The following COL4A4 variants were observed in gnomAD, a reference collection of about 807,000 sequenced individuals.
The protein encoded by COL4A4 is collagen type IV alpha 4 chain.
Under a neutral mutation model 192.9 loss-of-function variants are expected in COL4A4, and 105 were observed. The ratio of observed to expected loss-of-function variants is 0.54; its 90% CI spans 0.46 to 0.64. The LOEUF is 0.64. COL4A4 is among the 30% of genes least tolerant of loss of function. COL4A4 has a pLI of 0.00. For missense variants in COL4A4, 1,967 were observed against 2,169.3 expected (o/e 0.91, Z 1.85); for synonymous variants, 762 against 769.9 (o/e 0.99, Z 0.17).
chr2:227,104,155 G>C, intron 12 of COL4A4, 103 bp from the exon 13 acceptor site: 1 of 940,460 alleles, frequency 1.1e-6, no homozygotes, highest in South Asian at 1.3e-5. Context: ...ATGTGTCATG[G>C]ATTTAAAATA....
chr2:227,041,838 A>AGAG (rs1971240102), intron 37 of COL4A4, among the ~76,000 whole-genome samples: 1 of 41,620 alleles, frequency 2.4e-5, no homozygotes, highest in African/African-American at 1.2e-4. Flanking sequence ...GAAAGAAAGA[A>AGAG]AGAAAGAAAG....
chr2:227,031,043 A>ATGGATGGATGGC (rs1968263815), intron 40 of COL4A4, among the ~76,000 whole-genome samples: 1 of 151,256 alleles, frequency 6.6e-6, no homozygotes, highest in Admixed American at 6.6e-5. Context: ...GGATGGACAG[A>ATGGATGGATGGC]TGGATGGATG....
chr2:227,007,749 G>A (rs774113605), intron 47 of COL4A4, among the ~76,000 whole-genome samples, 161 bp from the exon 48 acceptor site: 1 of 152,202 alleles, frequency 6.6e-6, no homozygotes, highest in African/African-American at 2.4e-5. Context: ...ACTCAGCATG[G>A]TAAGTATGCA....
At chr2:227,026,551 T>C (rs1966874770) in intron 42 of COL4A4, among the ~76,000 whole-genome samples, 1 of 152,116 alleles carries the variant, frequency 6.6e-6, no homozygotes, top group Non-Finnish European at 1.5e-5. Flanking sequence ...TCCTGTCCTA[T>C]GATACATCAT....
chr2:227,017,160 C>T (rs563757492), intron 44 of COL4A4, among the ~76,000 whole-genome samples: 1 of 152,306 alleles, frequency 6.6e-6, no homozygotes, highest in South Asian at 2.1e-4. Context: ...GAACAGGCAG[C>T]AGCAGGGATT....
At chr2:227,043,275 C>T in intron 35 of COL4A4, 91 bp from the exon 36 acceptor site, 2 of 1,088,422 alleles carry the variant, frequency 1.8e-6, no homozygotes, top group Non-Finnish European at 2.8e-6. Context: ...TCTTTTCTAT[C>T]CTTACTTTTT....
chr2:227,050,848 T>G, intron 33 of COL4A4, 129 bp downstream of exon 33: 1 of 1,100,798 alleles, frequency 9.1e-7, no homozygotes, highest in Non-Finnish European at 1.4e-6. Flanking sequence ...CTCCTTGAGC[T>G]ACACCTTACA....
At chr2:226,973,434 T>C in the COL4A4 span, among the ~76,000 whole-genome samples, 8 of 152,220 alleles carry the variant, frequency 5.3e-5, no homozygotes, top group Admixed American at 2.6e-4. Context: ...TGCCTGTTCC[T>C]TTTTCCACTC....
In COL4A4 at chr2:227,080,447, G is replaced by T; in HGVS notation, c.1799C>A (p.Pro600His). ...GHAGEKGDPG[P>H]PGDHEDATPG... ...CAAGAGAAGAATTCTACATACTGGA[G>T]GTCCTGGATCCCCTTTTTCTCCAGC... is the stretch of plus-strand genomic sequence containing the variant. Residue 600 changes from proline to histidine, a missense_variant, in exon 24 of 48, where the codon CCT (proline) becomes CAT (histidine). Pro to His is a moderately conservative substitution (Grantham distance 77). Transcript: ENST00000396625. 1 of 1,613,252 alleles carries T rather than the reference G, an allele frequency of 6.2e-7. No homozygotes were observed. Among genetic ancestry groups the T allele is most frequent in the Non-Finnish European group, 8.5e-7 (1 of 1,179,238 alleles).
At chr2:227,094,724 A>G (rs2060120110) in intron 19 of COL4A4, among the ~76,000 whole-genome samples, 1 of 152,240 alleles carries the variant, frequency 6.6e-6, no homozygotes, top group Non-Finnish European at 1.5e-5. Context: ...CCCACAAATG[A>G]TAACTATGTA....
rs1190404174 is a variant in COL4A4 at position 227,060,754 on chromosome 2, G to T, written c.2057-511C>A. 4.2e-5 allele frequency among the ~76,000 whole-genome samples: 6 copies of T among 144,102 alleles called. 1 individual carries two copies. Among genetic ancestry groups the T allele is most frequent in the Admixed American group, 1.4e-4 (2 of 14,252 alleles). 94.5% of individuals were successfully genotyped at this position (144,102 alleles called of 152,430 possible). ...TTTTTTTTTTTTTTTTTGAGACAGA[G>T]TCTTGCTTTGTCACCAAGGCTGGAG... On this transcript the variant is annotated intron_variant, in intron 26 of 47. Coordinates refer to ENST00000396625, the MANE Select transcript of COL4A4 (RefSeq NM_000092.5).
chr2:227,047,731 C>CACACACACACACA (rs1973182118), intron 34 of COL4A4, among the ~76,000 whole-genome samples, 182 bp from the exon 35 acceptor site: 1 of 146,228 alleles, frequency 6.8e-6, no homozygotes, highest in Non-Finnish European at 1.5e-5. Flanking sequence ...AATTTACATA[C>CACACACACACACA]CACACACACA....
At chr2:226,981,578 A>ACG in the COL4A4 span, among the ~76,000 whole-genome samples, 2 of 151,614 alleles carry the variant, frequency 1.3e-5, no homozygotes, top group South Asian at 2.1e-4. Flanking sequence ...ATACACACAC[A>ACG]CACACACACT....
Position 227,088,746 on chromosome 2 carries a change from C to A in COL4A4, c.1530G>T (p.Arg510Ser), listed in dbSNP as rs1293880566. Residue 510 changes from arginine to serine, a missense_variant, in exon 22 of 48, where the codon AGG becomes AGT. Coordinates refer to ENST00000396625, the MANE Select transcript of COL4A4 (RefSeq NM_000092.5). ...GPPGPPGLPGRQGSKGDLGLP... is the reference protein window; with the variant it reads ...GPPGPPGLPGSQGSKGDLGLP... ...GCCCCAAGTCTCCCTTACTCCCCTG[C>A]CTCCCAGGAAGTCCTGGAGGGCCAG... The A allele has an allele frequency of 6.2e-7, 1 of 1,614,102 alleles. No homozygotes were observed. Among genetic ancestry groups the A allele is most frequent in the South Asian group, 1.1e-5 (1 of 91,082 alleles).
intron 4 of COL4A4, among the ~76,000 whole-genome samples, chr2:227,134,843 C>T (rs4566358): frequency 0.34 from 51,758 of 152,114 alleles, 9,495 homozygotes; most frequent in Non-Finnish European, 0.41. Flanking sequence ...GTAAAACCAC[C>T]ACATCATAAG....
rs1553671289 is a variant in COL4A4 at position 227,089,612 on chromosome 2, T to TAC, written c.1459+254_1459+255dup. Among the ~76,000 whole-genome samples the TAC allele has an allele frequency of 2.2e-3, 318 of 141,868 alleles. 14 individuals are homozygous for TAC. The highest frequency in any genetic ancestry group is 8.0e-3 in the African/African-American group (306 of 38,130). The allele number at this position is 141,868 out of a possible 152,430, so 93.1% of individuals were successfully genotyped here. On this transcript the variant is annotated intron_variant, in intron 21 of 47. Coordinates refer to ENST00000396625, the MANE Select transcript of COL4A4 (RefSeq NM_000092.5). Reference sequence around the variant, plus strand: ...CCATATATATATATATATATATACATACATATATATAAATATATAAGACAC... The same window carrying TAC: ...CCATATATATATATATATATATACATACACATATATATAAATATATAAGACAC...
rs181962010 is a variant in COL4A4, at chr2:227,098,058, C to T, written c.1204+636G>A. On this transcript the variant is annotated intron_variant, in intron 19 of 47. Coordinates refer to ENST00000396625, the MANE Select transcript of COL4A4 (RefSeq NM_000092.5). ...TATGCCAACAGGACTCTTTCCCAGGCTTTTTACCAAATGCCACTGTGGCCC... is the reference window on the plus strand; with the variant it reads ...TATGCCAACAGGACTCTTTCCCAGGTTTTTTACCAAATGCCACTGTGGCCC... Among the ~76,000 whole-genome samples, 476 of 152,288 alleles carry T rather than the reference C, an allele frequency of 3.1e-3. 2 individuals are homozygous for T. Among genetic ancestry groups the T allele is most frequent in the African/African-American group, 0.011 (460 of 41,554 alleles).
chr2:227,114,444 T>A, intron 8 of COL4A4, 184 bp downstream of exon 8: 1 of 696,274 alleles, frequency 1.4e-6, no homozygotes, highest in Middle Eastern at 2.4e-4. Flanking sequence ...TGCTGGAATT[T>A]TACTGGCGAC....
chr2:227,005,691 G>A lies in COL4A4; in HGVS notation c.*1634C>T, dbSNP rs375090247. 1 of 152,122 alleles carries A rather than the reference G, an allele frequency of 6.6e-6. No homozygotes were observed. The highest frequency in any genetic ancestry group is 1.5e-5 in the Non-Finnish European group (1 of 68,008). 9.4% of individuals were successfully genotyped at this position (152,122 alleles called of 1,614,324 possible). ...AGAGCTCATTACAAATCAAGGTTTG[G>A]CAAGGAAAACATTTCTTATAAACAA... is the stretch of plus-strand genomic sequence containing the variant. On this transcript the variant is annotated 3_prime_UTR_variant, in exon 48 of 48. Transcript: ENST00000396625.
Sources: gnomAD v4.1 joint callset for allele counts (sites outside exome capture counted in the v4.1 genomes callset) on GRCh38, gnomAD v4.1.1 for gene constraint, MANE v1.5 for transcripts, NCBI Gene and HGNC (gene_info 2026-07-23, HGNC 2026-07-21) for gene names.